RFX3: variants seen among roughly 807,000 people sequenced by gnomAD.
The protein encoded by RFX3 is regulatory factor X3.
A neutral mutation model predicts 98.6 loss-of-function variants in RFX3; 14 were observed. That is an observed-to-expected ratio of 0.14 (90% CI 0.09 to 0.22). RFX3 has a LOEUF of 0.22. Ranked by LOEUF, RFX3 falls within the 10% of genes least tolerant of loss-of-function variation. The pLI is 1.00. For missense variants in RFX3, 639 were observed against 926.9 expected (o/e 0.69, Z 4.03); for synonymous variants, 383 against 328.4 (o/e 1.17, Z -1.80).
chr9:3,366,693 C>CCTTTCTTTCTTTATTTCTTTCTTT (rs1837142736), intron 2 of RFX3, among the ~76,000 whole-genome samples: 1 of 85,452 alleles, frequency 1.2e-5, no homozygotes, highest in Non-Finnish European at 2.2e-5. Flanking sequence ...TTCTTTCTTT[C>CCTTTCTTTCTTTATTTCTTTCTTT]CTTTCTTTCT....
intron 7 of RFX3, 32 bp from the exon 8 acceptor site, chr9:3,277,493 A>C (rs1368525821): frequency 1.3e-6 from 2 of 1,596,720 alleles, no homozygotes; most frequent in Admixed American, 1.7e-5. Flanking sequence ...AAACAAATAA[A>C]CCAAATTATT....
intron 3 of RFX3, chr9:3,344,912 T>G (rs1834284612): frequency 2.9e-6 from 2 of 692,618 alleles, no homozygotes; most frequent in East Asian, 2.7e-5. Flanking sequence ...TGAAAAACAT[T>G]CACAGTGTGT....
At chr9:3,238,934 G>A (rs1307653937) in intron 15 of RFX3, among the ~76,000 whole-genome samples, 1 of 151,056 alleles carries the variant, frequency 6.6e-6, no homozygotes, top group East Asian at 1.9e-4. Context: ...CAGAGGCTGT[G>A]TCATAGTGAG....
chr9:3,467,293 T>TAC (rs1295151921), intron 1 of RFX3, among the ~76,000 whole-genome samples: 2 of 146,358 alleles, frequency 1.4e-5, no homozygotes, highest in Non-Finnish European at 3.0e-5. Context: ...TACATATATA[T>TAC]ACACACACAC....
At chr9:3,340,543 A>C (rs1042565988) in intron 3 of RFX3, among the ~76,000 whole-genome samples, 3 of 152,232 alleles carry the variant, frequency 2.0e-5, no homozygotes, top group African/African-American at 7.2e-5. Flanking sequence ...CAATGAACTC[A>C]AACAAATTTA....
intron 4 of RFX3, among the ~76,000 whole-genome samples, chr9:3,307,947 G>A (rs1220910392): frequency 6.6e-6 from 1 of 151,460 alleles, no homozygotes; most frequent in Non-Finnish European, 1.5e-5. Flanking sequence ...TTACTTAATG[G>A]TACAGAACCA....
chr9:3,369,974 GC>G (rs1837634272), intron 2 of RFX3, among the ~76,000 whole-genome samples: 1 of 147,998 alleles, frequency 6.8e-6, no homozygotes, highest in Non-Finnish European at 1.5e-5. Context: ...GACTACAGGC[GC>G]CCGCCACTAC....
chr9:3,476,108 C>A (rs969054825), intron 1 of RFX3, among the ~76,000 whole-genome samples: 3 of 151,434 alleles, frequency 2.0e-5, no homozygotes, highest in Admixed American at 2.0e-4. Context: ...GATTATAGAG[C>A]GAGTATTATT....
chr9:3,422,831 G>C (rs1384177855), intron 1 of RFX3, among the ~76,000 whole-genome samples: 1 of 152,120 alleles, frequency 6.6e-6, no homozygotes, highest in African/African-American at 2.4e-5. Flanking sequence ...TTCAGAAGGA[G>C]AAATGTATTT....
intron 1 of RFX3, among the ~76,000 whole-genome samples, chr9:3,408,610 TCTCACA>T (rs1431603406): frequency 6.6e-6 from 1 of 150,492 alleles, no homozygotes; most frequent in Non-Finnish European, 1.5e-5. Context: ...TCTCTCTCTC[TCTCACA>T]CACACACACA....
chr9:3,448,490 A>G (rs999808197), intron 1 of RFX3, among the ~76,000 whole-genome samples: 1 of 152,160 alleles, frequency 6.6e-6, no homozygotes, highest in Admixed American at 6.5e-5. Flanking sequence ...ACAGCAGCTT[A>G]TTACAACCCA....
chr9:3,478,197 T>C (rs1278055028), intron 1 of RFX3, among the ~76,000 whole-genome samples: 2 of 152,144 alleles, frequency 1.3e-5, no homozygotes, highest in Non-Finnish European at 2.9e-5. Context: ...TTATTTCCTG[T>C]TTCTTTGCAT....
intron 1 of RFX3, among the ~76,000 whole-genome samples, chr9:3,487,423 G>A (rs920580486): frequency 1.2e-4 from 18 of 152,076 alleles, no homozygotes; most frequent in African/African-American, 4.3e-4. Context: ...ATTGGCCCTG[G>A]TAAAAGGTTA....
chr9:3,429,069 C>T (rs2011493), intron 1 of RFX3, among the ~76,000 whole-genome samples: 32,243 of 148,362 alleles, frequency 0.22, 6,288 homozygotes, highest in African/African-American at 0.53. Flanking sequence ...GTCTCCCAGG[C>T]TGGAGTGCGG....
chr9:3,456,044 C>CT (rs1362388451), intron 1 of RFX3, among the ~76,000 whole-genome samples: 6 of 152,230 alleles, frequency 3.9e-5, no homozygotes, highest in African/African-American at 1.4e-4. Context: ...ATGGAGGAAA[C>CT]TGTGTCCTCA....
At chr9:3,429,166 G>A (rs1013821571) in intron 1 of RFX3, among the ~76,000 whole-genome samples, 3 of 151,100 alleles carry the variant, frequency 2.0e-5, no homozygotes, top group Non-Finnish European at 3.0e-5. Context: ...GGGACTACAG[G>A]CGCCCGCCAA....
intron 1 of RFX3, among the ~76,000 whole-genome samples, chr9:3,504,895 ATATAT>A (rs1444948493): frequency 8.8e-5 from 4 of 45,494 alleles, no homozygotes; most frequent in Admixed American, 3.8e-4. Context: ...ATAATATAAC[ATATAT>A]TATATATATA....
rs540045697 is a variant in RFX3 at position 3,280,781 on chromosome 9, T to C, written c.852-3320A>G. On this transcript the variant is annotated intron_variant, in intron 7 of 16. Coordinates refer to ENST00000617270, the MANE Select transcript of RFX3 (RefSeq NM_001282116.2). ...GAGAATGGAGCTTAGGAACTGGTTA[T>C]TCTAACAAGTTTCTGAGGTATTTCT... Among the ~76,000 whole-genome samples the C allele has an allele frequency of 9.7e-4, 147 of 151,884 alleles. 1 individual carries two copies. Among genetic ancestry groups the C allele is most frequent in the African/African-American group, 3.4e-3 (143 of 41,500 alleles).
chr9:3,424,468 T>C (rs1286024614), intron 1 of RFX3, among the ~76,000 whole-genome samples: 2 of 145,050 alleles, frequency 1.4e-5, no homozygotes, highest in Non-Finnish European at 3.0e-5. Context: ...TTCACGCCAT[T>C]CTCCTGCCTC....
Sources: gnomAD v4.1 joint callset for allele counts (sites outside exome capture counted in the v4.1 genomes callset) on GRCh38, gnomAD v4.1.1 for gene constraint, MANE v1.5 for transcripts, NCBI Gene and HGNC (gene_info 2026-07-23, HGNC 2026-07-21) for gene names.